Variants in MNDA observed in about 807,000 individuals in gnomAD.
MNDA encodes epididymis secretory sperm binding protein.
A neutral mutation model predicts 37.8 loss-of-function variants in MNDA; 43 were observed. The ratio of observed to expected loss-of-function variants is 1.14; its 90% confidence interval spans 0.89 to 1.47. The LOEUF (loss-of-function observed/expected upper bound fraction) is 1.47, where lower values mean the gene tolerates loss of function less well. MNDA is among the 40% of genes most tolerant of loss of function. The pLI, the probability that MNDA is intolerant of heterozygous loss-of-function variation, is 0.00. For synonymous variants in MNDA, 181 were observed against 169.0 expected (o/e 1.07, Z -0.55); for missense variants, 536 against 476.0 (o/e 1.13, Z -1.17).
In MNDA at chr1:158,842,394, A is replaced by C. The variant is rs760884810; in HGVS notation, c.241A>C (p.Asn81His). 4.3e-6 allele frequency: 7 copies of C among 1,611,526 alleles called. No homozygotes were observed. The South Asian group carries it at 6.6e-5, about 15-fold the overall frequency. Residue 81 changes from asparagine to histidine, a missense_variant, in exon 2 of 7, where the codon AAT (asparagine) becomes CAT (histidine). Coordinates refer to ENST00000368141, the MANE Select transcript of MNDA (RefSeq NM_002432.3). ...GCCATCACTTAAAAACCTTGTTAAC[A>C]ATCTTCGAAAAGAGAAGTCAAAAGG... ...DMPSLKNLVN[N>H]LRKEKSKVAK...
chr1:158,847,680 T>C, intron 5 of MNDA, 48 bp from the exon 6 acceptor site: 1 of 1,544,020 alleles, frequency 6.5e-7, no homozygotes, highest in Non-Finnish European at 8.8e-7. Flanking sequence ...CTCATCTATA[T>C]GATACTAACA....
At chr1:158,844,635 C>G (rs1051483584) in intron 4 of MNDA, among the ~76,000 whole-genome samples, 2 of 151,726 alleles carry the variant, frequency 1.3e-5, no homozygotes, top group Non-Finnish European at 2.9e-5. Flanking sequence ...CCTGAGACTA[C>G]TTACATGCTA....
rs139902913 is a variant in MNDA at position 158,847,875 on chromosome 1, C to T, written c.1135C>T (p.Arg379Cys). 1.6e-5 allele frequency: 26 copies of T among 1,613,706 alleles called. No homozygotes were observed. Among genetic ancestry groups the T allele is most frequent in the African/African-American group, 4.0e-5 (3 of 74,874 alleles). ...LFCLQLRTVD[R>C]KLKLVCGSHS... Reference sequence around the variant, plus strand: ...CTGCCTTCAACTGAGAACAGTTGACCGCAAGCTGAAACTGGTGTGTGGAAG... The same window carrying T: ...CTGCCTTCAACTGAGAACAGTTGACTGCAAGCTGAAACTGGTGTGTGGAAG... The change falls in exon 6 of 7, where the codon CGC becomes TGC. Residue 379 changes from arginine (R) to cysteine (C), a missense_variant. Coordinates refer to ENST00000368141, the MANE Select transcript of MNDA (RefSeq NM_002432.3).
intron 1 of MNDA, among the ~76,000 whole-genome samples, chr1:158,832,781 A>C (rs1658830317): frequency 6.6e-6 from 1 of 152,032 alleles, no homozygotes; most frequent in Non-Finnish European, 1.5e-5. Flanking sequence ...TCTCAAACTT[A>C]AGTGAACTTA....
At chr1:158,846,665 C>T (rs1042399793) in intron 5 of MNDA, among the ~76,000 whole-genome samples, 12 of 152,054 alleles carry the variant, frequency 7.9e-5, no homozygotes, top group Non-Finnish European at 1.5e-4. Flanking sequence ...ATTGATATGT[C>T]CATGTCCAAA....
Position 158,838,606 on chromosome 1 carries a change from A to G in MNDA, c.-20-3528A>G, listed in dbSNP as rs140567243. Among the ~76,000 whole-genome samples, 51 of 152,076 alleles carry G rather than the reference A, an allele frequency of 3.4e-4. No homozygotes were observed. The Middle Eastern group carries it at 0.01, about 30-fold the overall frequency. ...ATAGTTGCAGCTTGTTTGGTTTCTT[A>G]TATCTGTACATTTAGTCTTTTCTCA... On this transcript the variant is annotated intron_variant, in intron 1 of 6. Transcript: ENST00000368141.
intron 1 of MNDA, among the ~76,000 whole-genome samples, chr1:158,837,237 G>A (rs1031293198): frequency 1.3e-5 from 2 of 151,340 alleles, no homozygotes; most frequent in African/African-American, 4.9e-5. Context: ...GGTCTATAAT[G>A]TTTTTCAATA....
At chr1:158,836,048 T>G (rs1658907526) in intron 1 of MNDA, among the ~76,000 whole-genome samples, 1 of 152,006 alleles carries the variant, frequency 6.6e-6, no homozygotes, top group South Asian at 2.1e-4. Flanking sequence ...TGTTGCATGG[T>G]GAGCCATCAT....
chr1:158,839,092 T>C (rs2102047484), intron 1 of MNDA, among the ~76,000 whole-genome samples: 1 of 152,302 alleles, frequency 6.6e-6, no homozygotes, highest in East Asian at 1.9e-4. Context: ...TAGAGAAAGT[T>C]TGTGGAGATT....
At chr1:158,841,987 G>A (rs778849627) in intron 1 of MNDA, 147 bp from the exon 2 acceptor site, 46 of 632,778 alleles carry the variant, frequency 7.3e-5, no homozygotes, top group Non-Finnish European at 1.2e-4. Context: ...ATTGTTCACA[G>A]TGACATATCT....
chr1:158,847,097 G>A (rs774734868), intron 5 of MNDA, among the ~76,000 whole-genome samples: 12 of 152,186 alleles, frequency 7.9e-5, no homozygotes, highest in Non-Finnish European at 1.6e-4. Flanking sequence ...GTAAGGAGGA[G>A]CTAAGCTATG....
intron 6 of MNDA, among the ~76,000 whole-genome samples, chr1:158,848,278 T>A (rs1571662406): frequency 6.6e-6 from 1 of 152,188 alleles, no homozygotes; most frequent in Non-Finnish European, 1.5e-5. Context: ...TCTAAAATAA[T>A]GGAAGTCTCC....
rs866225535 is a variant in MNDA at position 158,844,079 on chromosome 1, C to A, written c.527C>A (p.Pro176His). ...GCAGCTGTGGATCATCCCCCACTAC[C>A]CCAGACCTCATCATCAACTCCATCC... is the stretch of plus-strand genomic sequence containing the variant. ...TSAAVDHPPL[P>H]QTSSSTPSNT... Residue 176 changes from proline (P) to histidine (H), a missense_variant, in exon 4 of 7, where the codon CCC becomes CAC. By Grantham distance (77) the Pro-to-His change is moderately conservative (BLOSUM62 -2). Transcript: ENST00000368141. The A allele has an allele frequency of 2.5e-6, 4 of 1,608,148 alleles. No homozygotes were observed. The African/African-American group carries it at 5.4e-5, about 22-fold the overall frequency.
intron 1 of MNDA, among the ~76,000 whole-genome samples, chr1:158,833,770 A>G (rs531416966): frequency 3.9e-5 from 6 of 152,190 alleles, no homozygotes; most frequent in Non-Finnish European, 5.9e-5. Context: ...CACTTGTAAT[A>G]CTTTCACATT....
chr1:158,833,100 T>C lies in MNDA; in HGVS notation c.-21+1543T>C, dbSNP rs554086893. Among the ~76,000 whole-genome samples, 16 of 152,282 alleles carry C rather than the reference T, an allele frequency of 1.1e-4. No homozygotes were observed. The South Asian group carries it at 2.9e-3, about 28-fold the overall frequency. ...ACTTCACCTGTTAAGAGTATGTTCATATAGTTCCTGTTTTCTTTTATTTGA... is the reference window on the plus strand; with the variant it reads ...ACTTCACCTGTTAAGAGTATGTTCACATAGTTCCTGTTTTCTTTTATTTGA... On this transcript the variant is annotated intron_variant, in intron 1 of 6. Coordinates refer to ENST00000368141, the MANE Select transcript of MNDA (RefSeq NM_002432.3).
chr1:158,848,324 A>C (rs1467968629), intron 6 of MNDA, among the ~76,000 whole-genome samples: 3 of 152,208 alleles, frequency 2.0e-5, no homozygotes, highest in Non-Finnish European at 4.4e-5. Flanking sequence ...CAGACAATGT[A>C]TACATATTAA....
At chr1:158,842,591 A>C (rs1659053017) in intron 2 of MNDA, 173 bp downstream of exon 2, 1 of 586,740 alleles carries the variant, frequency 1.7e-6, no homozygotes, top group Non-Finnish European at 3.0e-6. Context: ...ATTCTGTTTC[A>C]TATGAAAGAG....
rs1229957464 is a variant in MNDA at position 158,844,526 on chromosome 1, A to C, written c.570+404A>C. On this transcript the variant is annotated intron_variant, in intron 4 of 6. Transcript: ENST00000368141. ...ACTGTGGAGAGAGGACATACGAGAT[A>C]AACAAACTTGTCCTTTTTCCATTGT... is the stretch of plus-strand genomic sequence containing the variant. Among the ~76,000 whole-genome samples, 3 of 149,878 alleles carry C rather than the reference A, an allele frequency of 2.0e-5. 1 individual carries two copies. The highest frequency in any genetic ancestry group is 7.4e-5 in the African/African-American group (3 of 40,396).
At chr1:158,840,331 G>A (rs1659006113) in intron 1 of MNDA, among the ~76,000 whole-genome samples, 1 of 152,106 alleles carries the variant, frequency 6.6e-6, no homozygotes, top group South Asian at 2.1e-4. Context: ...GCACGGCTGG[G>A]GAGTCCTAAG....
Sources: gnomAD v4.1 joint callset for allele counts (sites outside exome capture counted in the v4.1 genomes callset) on GRCh38, gnomAD v4.1.1 for gene constraint, MANE v1.5 for transcripts, NCBI Gene and HGNC (gene_info 2026-07-23, HGNC 2026-07-21) for gene names.